Variants in SPICE1 observed in about 807,000 individuals in gnomAD.
SPICE1 encodes spindle and centriole-associated protein 1.
In SPICE1, 75 loss-of-function variants were observed where a neutral mutation model predicts 102.7. That is an observed-to-expected ratio of 0.73 (90% confidence interval 0.61 to 0.88). The LOEUF (loss-of-function observed/expected upper bound fraction) is 0.88, where lower values mean the gene tolerates loss of function less well. Ranked by LOEUF, SPICE1 falls within the 40% of genes least tolerant of loss-of-function variation. SPICE1 has a pLI of 0.00. For synonymous variants in SPICE1, 308 were observed against 350.3 expected, an observed-to-expected ratio of 0.88 and a Z score of 1.35; for missense variants, 979 against 1,020.1, an observed-to-expected ratio of 0.96 and a Z score of 0.55.
chr3:113,456,042 CT>C (rs1322289447), intron 13 of SPICE1, among the ~76,000 whole-genome samples: 1 of 152,202 alleles, frequency 6.6e-6, no homozygotes, highest in Non-Finnish European at 1.5e-5. Flanking sequence ...TGCCTCACAG[CT>C]AGTCAACAAT....
At position 113,476,246 on chromosome 3, in the gene SPICE1, C is replaced by CAAGGAG. The variant is rs534661038; in HGVS notation, c.612-7014_612-7009dup. Among the ~76,000 whole-genome samples, 13 of 150,776 alleles carry CAAGGAG rather than the reference C, an allele frequency of 8.6e-5. No homozygotes were observed. In the South Asian group the frequency reaches 2.7e-3, roughly 31 times the overall value. On this transcript the variant is annotated intron_variant, in intron 7 of 17. Coordinates refer to ENST00000295872, the MANE Select transcript of SPICE1 (RefSeq NM_144718.4). Reference sequence around the variant, plus strand: ...TTACAAGGGATGTGAAGGACCTCTTCAAGGAGAACTACAAACCACTGCTGA... The same window carrying CAAGGAG: ...TTACAAGGGATGTGAAGGACCTCTTCAAGGAGAAGGAGAACTACAAACCACTGCTGA...
chr3:113,452,504 C>T (rs1005746236), intron 14 of SPICE1, among the ~76,000 whole-genome samples: 3 of 150,566 alleles, frequency 2.0e-5, no homozygotes, highest in Admixed American at 6.6e-5. Flanking sequence ...GCCAACATGG[C>T]GAAACCCCGC....
intron 7 of SPICE1, among the ~76,000 whole-genome samples, chr3:113,473,076 C>A (rs1261279618): frequency 6.6e-6 from 1 of 152,082 alleles, no homozygotes; most frequent in Non-Finnish European, 1.5e-5. Context: ...ATAACCAATA[C>A]AGAGAAGTGC....
At chr3:113,492,992 A>G (rs1559972797) in intron 6 of SPICE1, among the ~76,000 whole-genome samples, 1 of 152,230 alleles carries the variant, frequency 6.6e-6, no homozygotes, top group African/African-American at 2.4e-5. Context: ...ATATACACCT[A>G]CTAGGTAAGC....
rs1445901743 is a variant in SPICE1, at chr3:113,453,497, T to G, written c.2111A>C (p.Asn704Thr). The G allele has an allele frequency of 6.2e-7, 1 of 1,610,906 alleles. No individual in the cohort carries two copies. Among genetic ancestry groups the G allele is most frequent in the African/African-American group, 1.3e-5 (1 of 74,958 alleles). Residue 704 changes from asparagine to threonine, a missense_variant, in exon 14 of 18, where the codon AAC becomes ACC. Transcript: ENST00000295872. ...GEQGDGLREL[N>T]KQESASDMTS... is the part of the protein sequence containing the mutation. ...CATGTCACTTGCACTTTCTTGTTTG[T>G]TCAACTCCCGGAGTCCATCCCCTTG...
intron 4 of SPICE1, 116 bp downstream of exon 4, chr3:113,499,323 T>C (rs780293836): frequency 1.2e-5 from 14 of 1,131,724 alleles, no homozygotes; most frequent in Non-Finnish European, 1.7e-5. Context: ...TGTAGATTAT[T>C]GAATAAGAAT....
intron 4 of SPICE1, among the ~76,000 whole-genome samples, chr3:113,497,680 CATAGAGAG>C (rs1559974515): frequency 8.7e-6 from 1 of 114,542 alleles, no homozygotes; most frequent in African/African-American, 3.2e-5. Flanking sequence ...TGCATACATA[CATAGAGAG>C]AGAGAGAGAG....
chr3:113,506,170 A>G (rs1937102786), intron 2 of SPICE1, among the ~76,000 whole-genome samples: 1 of 152,188 alleles, frequency 6.6e-6, no homozygotes, highest in Non-Finnish European at 1.5e-5. Context: ...AAATTCACAG[A>G]CTTCATTGAC....
intron 7 of SPICE1, among the ~76,000 whole-genome samples, chr3:113,472,188 A>G (rs1328147525): frequency 6.6e-6 from 1 of 152,230 alleles, no homozygotes; most frequent in Admixed American, 6.5e-5. Context: ...TTGCTAGCAC[A>G]GCAGTCTGAG....
intron 7 of SPICE1, among the ~76,000 whole-genome samples, chr3:113,473,340 G>C (rs948320993): frequency 2.0e-5 from 3 of 152,102 alleles, no homozygotes; most frequent in Non-Finnish European, 4.4e-5. Context: ...AGGGAGAATG[G>C]AACCAAGTTG....
rs553564915 is a variant in SPICE1, at chr3:113,502,438, A to G, written c.147+742T>C. On this transcript the variant is annotated intron_variant, in intron 3 of 17. Transcript: ENST00000295872. ...ATATATCAAACGACCAGAATAGGCAAATACATAAAAGCACAAAGTACATTG... is the reference window on the plus strand; with the variant it reads ...ATATATCAAACGACCAGAATAGGCAGATACATAAAAGCACAAAGTACATTG... 8.3e-4 allele frequency among the ~76,000 whole-genome samples: 126 copies of G among 152,352 alleles called. 1 individual carries two copies. The highest frequency in any genetic ancestry group is 2.4e-3 in the Admixed American group (36 of 15,300).
intron 4 of SPICE1, among the ~76,000 whole-genome samples, chr3:113,496,889 T>G (rs970080175): frequency 3.9e-5 from 6 of 152,228 alleles, no homozygotes; most frequent in African/African-American, 1.4e-4. Flanking sequence ...TATACTTACA[T>G]GTGTACCCAA....
At chr3:113,475,162 G>A (rs1362190578) in intron 7 of SPICE1, among the ~76,000 whole-genome samples, 6 of 152,192 alleles carry the variant, frequency 3.9e-5, no homozygotes, top group Middle Eastern at 3.4e-3. Context: ...ACACCTCTAC[G>A]CAAATAAACT....
intron 14 of SPICE1, among the ~76,000 whole-genome samples, chr3:113,453,024 C>A (rs1419691472): frequency 6.6e-6 from 1 of 151,988 alleles, no homozygotes; most frequent in African/African-American, 2.4e-5. Flanking sequence ...AACAAAAAAA[C>A]CACCTCATTT....
chr3:113,498,295 T>C (rs1388424850), intron 4 of SPICE1, among the ~76,000 whole-genome samples: 2 of 152,184 alleles, frequency 1.3e-5, no homozygotes, highest in East Asian at 3.8e-4. Flanking sequence ...CAAAGAAACA[T>C]CACTCATCGT....
rs140199230 is a variant in SPICE1, at chr3:113,514,922, G to C, written c.-26C>G. 1.3e-3 allele frequency: 1,526 copies of C among 1,131,802 alleles called. 3 individuals are homozygous for C. The highest frequency in any genetic ancestry group is 1.6e-3 in the Non-Finnish European group (1,428 of 897,548). The allele number at this position is 1,131,802 out of a possible 1,614,324, so 70.1% of individuals were successfully genotyped here. On this transcript the variant is annotated 5_prime_UTR_variant, in exon 1 of 18. Transcript: ENST00000295872. ...TTGCACTCTCAAAACACAGAGCCGC[G>C]GCTGCGCTTCCTGAAGTAAGGATTC...
At chr3:113,488,666 C>T (rs767476466) in intron 7 of SPICE1, among the ~76,000 whole-genome samples, 13 of 152,054 alleles carry the variant, frequency 8.5e-5, no homozygotes, top group Non-Finnish European at 1.6e-4. Context: ...ATTACTCAGG[C>T]GACTGGTGCT....
chr3:113,505,347 T>C lies in SPICE1; in HGVS notation c.99+1160A>G, dbSNP rs141076835. ...TTTCCGATTTATCAGTTTCCTTACC[T>C]TAGAGTCACATCCTTGTTATTAAAA... On this transcript the variant is annotated intron_variant, in intron 2 of 17. Transcript: ENST00000295872. Among the ~76,000 whole-genome samples the C allele has an allele frequency of 9.2e-5, 14 of 152,182 alleles. No individual in the cohort carries two copies. In the East Asian group the frequency reaches 1.9e-3, roughly 21 times the overall value.
At chr3:113,471,303 A>T (rs182817026) in intron 7 of SPICE1, among the ~76,000 whole-genome samples, 2,132 of 152,224 alleles carry the variant, frequency 0.014, 37 homozygotes, top group African/African-American at 0.04. Context: ...CATATTTTTT[A>T]AAAAAAATTT....
Sources: gnomAD v4.1 joint callset for allele counts (sites outside exome capture counted in the v4.1 genomes callset) on GRCh38, gnomAD v4.1.1 for gene constraint, MANE v1.5 for transcripts, NCBI Gene and HGNC (gene_info 2026-07-23, HGNC 2026-07-21) for gene names.